The following MTMR12 variants were observed in gnomAD, a reference collection of about 807,000 sequenced individuals.
MTMR12 encodes myotubularin related protein 12.
A neutral mutation model predicts 96.7 loss-of-function variants in MTMR12; 33 were observed. That is an observed-to-expected ratio of 0.34 (90% CI 0.26 to 0.46). The LOEUF is 0.46. MTMR12 is among the 20% of genes least tolerant of loss of function. MTMR12 has a pLI of 1.00. For synonymous variants in MTMR12, 298 were observed against 327.2 expected (o/e 0.91, Z 0.96); for missense variants, 721 against 896.1 (o/e 0.80, Z 2.49).
chr5:32,272,152 T>G (rs1433501120), intron 3 of MTMR12, among the ~76,000 whole-genome samples: 6 of 151,636 alleles, frequency 4.0e-5, no homozygotes, highest in Non-Finnish European at 5.9e-5. Flanking sequence ...TTAGCCAGGC[T>G]TGGTGGTGGG....
At chr5:32,307,497 A>G (rs941921736) in intron 1 of MTMR12, among the ~76,000 whole-genome samples, 3 of 152,202 alleles carry the variant, frequency 2.0e-5, no homozygotes, top group African/African-American at 7.2e-5. Context: ...TTTCAGAGCC[A>G]TCAGCTGCCC....
rs188969819 is a variant in MTMR12, at chr5:32,240,194, T to C, written c.1172-1021A>G. On this transcript the variant is annotated intron_variant, in intron 12 of 15. Transcript: ENST00000382142. ...GGCGGGTGGATCACGATGTCAGGAG[T>C]TCGAGACCAGTCTGACCAACATGGT... Among the ~76,000 whole-genome samples, 106 of 151,716 alleles carry C rather than the reference T, an allele frequency of 7.0e-4. 2 individuals carry two copies. The highest frequency in any genetic ancestry group is 5.8e-3 in the Admixed American group (89 of 15,246).
Position 32,229,638 on chromosome 5 carries a change from CT to C in MTMR12, c.*139del. On this transcript the variant is annotated 3_prime_UTR_variant, in exon 16 of 16. Transcript: ENST00000382142. ...TCATGAAAAATAATGAGAGCCACCT[CT>C]TTTCCCGAAGGCCCAGGTTTATTCT... The C allele has an allele frequency of 2.9e-6, 2 of 698,434 alleles. No individual in the cohort carries two copies. The highest frequency in any genetic ancestry group is 4.3e-6 in the Non-Finnish European group (2 of 468,852). The allele number at this position is 698,434 out of a possible 1,614,324, so 43.3% of individuals were successfully genotyped here.
intron 10 of MTMR12, among the ~76,000 whole-genome samples, chr5:32,247,102 C>G (rs1052068875): frequency 1.3e-5 from 2 of 152,160 alleles, no homozygotes; most frequent in Non-Finnish European, 2.9e-5. Flanking sequence ...ATAATCCCAG[C>G]ACTTTGCAAG....
intron 1 of MTMR12, among the ~76,000 whole-genome samples, chr5:32,296,169 A>C (rs186160792): frequency 6.2e-4 from 95 of 152,134 alleles, no homozygotes; most frequent in Non-Finnish European, 9.0e-4. Flanking sequence ...AAAAAAAAAA[A>C]CAAACACTTT....
At position 32,268,814 on chromosome 5, in the gene MTMR12, T is replaced by C. The variant is rs370421892; in HGVS notation, c.490-20A>G. On this transcript the variant is annotated intron_variant, in intron 5 of 15. Coordinates refer to ENST00000382142, the MANE Select transcript of MTMR12 (RefSeq NM_001040446.3). ...GACAATCTAAAAAAGAATCGAACAA[T>C]GGATATAGTTATGGTTTTGACAGAT... The C allele has an allele frequency of 3.3e-5, 52 of 1,579,454 alleles. No individual in the cohort carries two copies. The African/African-American group carries it at 5.5e-4, about 17-fold the overall frequency.
chr5:32,229,662 T>A lies in MTMR12; in HGVS notation c.*116A>T. On this transcript the variant is annotated 3_prime_UTR_variant, in exon 16 of 16. Coordinates refer to ENST00000382142, the MANE Select transcript of MTMR12 (RefSeq NM_001040446.3). The stretch of plus-strand genomic sequence containing the variant: ...TCTTTTCCCGAAGGCCCAGGTTTAT[T>A]CTAACGGAGTGCCGGGCTAAGGACC... The A allele has an allele frequency of 1.0e-6, 1 of 984,018 alleles. No homozygotes were observed. The highest frequency in any genetic ancestry group is 2.9e-5 in the South Asian group (1 of 34,124). 61.0% of individuals were successfully genotyped at this position (984,018 alleles called of 1,614,324 possible).
chr5:32,284,082 G>A (rs562233305), intron 1 of MTMR12, among the ~76,000 whole-genome samples: 8 of 152,122 alleles, frequency 5.3e-5, no homozygotes, highest in African/African-American at 9.6e-5. Flanking sequence ...TGGATGGACC[G>A]GATCACTTGA....
chr5:32,308,872 G>C (rs921980117), intron 1 of MTMR12, among the ~76,000 whole-genome samples: 1 of 152,016 alleles, frequency 6.6e-6, no homozygotes, highest in Non-Finnish European at 1.5e-5. Context: ...CAAAGTGCTG[G>C]GATTACAGGC....
intron 1 of MTMR12, among the ~76,000 whole-genome samples, chr5:32,288,216 G>C (rs1750616061): frequency 6.6e-6 from 1 of 152,192 alleles, no homozygotes; most frequent in Admixed American, 6.5e-5. Flanking sequence ...GGAGGACCCT[G>C]ATGAAGCTGG....
At chr5:32,281,826 G>C (rs886145703) in intron 1 of MTMR12, among the ~76,000 whole-genome samples, 17 of 151,704 alleles carry the variant, frequency 1.1e-4, no homozygotes, top group African/African-American at 4.1e-4. Flanking sequence ...CTTGAACCTG[G>C]GAGGTGGAGG....
intron 10 of MTMR12, among the ~76,000 whole-genome samples, chr5:32,244,309 G>T (rs549669377): frequency 0.01 from 1,547 of 150,308 alleles, 28 homozygotes; most frequent in African/African-American, 0.035. Flanking sequence ...AAAAAAAAAG[G>T]CCAGATGTGG....
chr5:32,242,166 A>G, intron 11 of MTMR12, 39 bp from the exon 12 acceptor site: 1 of 1,491,328 alleles, frequency 6.7e-7, no homozygotes, highest in Admixed American at 1.7e-5. Context: ...GCATTAGTTC[A>G]TGAGCTTGGT....
In MTMR12 at chr5:32,312,724, T is replaced by C. The variant is rs753290986; in HGVS notation, c.81+34A>G. The C allele has an allele frequency of 2.0e-6, 3 of 1,472,230 alleles. No homozygotes were observed. Among genetic ancestry groups the C allele is most frequent in the Non-Finnish European group, 2.7e-6 (3 of 1,112,848 alleles). 91.2% of individuals were successfully genotyped at this position (1,472,230 alleles called of 1,614,324 possible). A position where few individuals can be genotyped will look rare whatever the true frequency, so the allele number is the denominator to read the frequency against. On this transcript the variant is annotated intron_variant, in intron 1 of 15. Transcript: ENST00000382142. This position sits in a 1 kb window ranked among gnomAD's most constrained non-coding sequence, Gnocchi z 5.0. ...CGGCGCCCCTCGCCCCGGCCGCCCC[T>C]GCCCGACGCCCCGCCTGCGCGGCGC...
chr5:32,271,991 G>A (rs1749854095), intron 3 of MTMR12, 86 bp from the exon 4 acceptor site: 1 of 808,520 alleles, frequency 1.2e-6, no homozygotes, highest in East Asian at 3.2e-5. Context: ...TCTCTACTTG[G>A]ATATTAAGAA....
At chr5:32,283,537 C>G (rs935478259) in intron 1 of MTMR12, among the ~76,000 whole-genome samples, 2 of 152,164 alleles carry the variant, frequency 1.3e-5, no homozygotes, top group African/African-American at 4.8e-5. Context: ...AGGTGAAAGT[C>G]AAACCCTGTG....
At chr5:32,259,465 T>G (rs1418421423) in intron 7 of MTMR12, among the ~76,000 whole-genome samples, 1 of 152,150 alleles carries the variant, frequency 6.6e-6, no homozygotes, top group Non-Finnish European at 1.5e-5. Flanking sequence ...CTGACGCAGG[T>G]CCCCCTCTAA....
intron 15 of MTMR12, among the ~76,000 whole-genome samples, chr5:32,231,282 G>A (rs1747984230): frequency 6.6e-6 from 1 of 150,868 alleles, no homozygotes; most frequent in African/African-American, 2.5e-5. Flanking sequence ...CCGAGGCTGA[G>A]GGAGGAGAAT....
At position 32,263,123 on chromosome 5, in the gene MTMR12, C is replaced by A; in HGVS notation, c.703G>T (p.Val235Phe). ...GCATGGAAAGCTTACCTCTCACAGACTTTATAGCCTTCGTTGACACTCACT... is the reference window on the plus strand; with the variant it reads ...GCATGGAAAGCTTACCTCTCACAGAATTTATAGCCTTCGTTGACACTCACT... Reference protein sequence around the residue: ...KAVSVNEGYKVCERLPAYFVV... With the variant: ...KAVSVNEGYKFCERLPAYFVV... Residue 235 changes from valine (V) to phenylalanine (F), a missense_variant, in exon 7 of 16, where the codon GTC becomes TTC. Transcript: ENST00000382142. 6.2e-7 allele frequency: 1 copy of A among 1,614,198 alleles called. No homozygotes were observed. Among genetic ancestry groups the A allele is most frequent in the Admixed American group, 1.7e-5 (1 of 60,024 alleles).
Sources: gnomAD v4.1 joint callset for allele counts (sites outside exome capture counted in the v4.1 genomes callset) on GRCh38, gnomAD v4.1.1 for gene constraint, Gnocchi (gnomAD v3.1) non-coding constraint, MANE v1.5 for transcripts, NCBI Gene and HGNC (gene_info 2026-07-23, HGNC 2026-07-21) for gene names.